The following CSMD1 variants were observed in gnomAD, a reference collection of about 807,000 sequenced individuals.
CSMD1 encodes the protein CUB and sushi domain-containing protein 1.
Under a neutral mutation model 417.5 loss-of-function variants are expected in CSMD1, and 213 were observed. That is an observed-to-expected ratio of 0.51 (90% CI 0.46 to 0.57). The LOEUF is 0.57. Among genes scored for constraint, CSMD1 ranks in the 20% least tolerant of loss-of-function variants. The pLI is 0.00. For missense variants in CSMD1, 6,923 were observed against 4,529.7 expected (o/e 1.53, Z -15.17); for synonymous variants, 2,862 against 1,736.8 (o/e 1.65, Z -16.11).
At chr8:3,671,029 T>TAC (rs1798996744) in intron 7 of CSMD1, among the ~76,000 whole-genome samples, 1 of 104,682 alleles carries the variant, frequency 9.6e-6, no homozygotes, top group Admixed American at 1.1e-4. Context: ...ATGGGATATA[T>TAC]GCATATGGGA....
intron 5 of CSMD1, among the ~76,000 whole-genome samples, chr8:3,798,362 A>G (rs78748908): frequency 0.015 from 2,293 of 152,126 alleles, 60 homozygotes; most frequent in African/African-American, 0.051. Flanking sequence ...ACTCTCTTAC[A>G]TTAGCCTCTA....
At chr8:3,414,146 A>G (rs759828266) in intron 12 of CSMD1, among the ~76,000 whole-genome samples, 1 of 91,754 alleles carries the variant, frequency 1.1e-5, no homozygotes, top group South Asian at 3.5e-4. Flanking sequence ...TAAAGAAAAG[A>G]AAAAAAAAAA....
At chr8:4,180,177 C>G (rs1463590083) in intron 3 of CSMD1, among the ~76,000 whole-genome samples, 1 of 151,952 alleles carries the variant, frequency 6.6e-6, no homozygotes, top group Admixed American at 6.6e-5. Context: ...GGAACCAACC[C>G]AAATGTCCAA....
At chr8:3,961,789 T>TG (rs1812344379) in intron 5 of CSMD1, among the ~76,000 whole-genome samples, 3 of 152,312 alleles carry the variant, frequency 2.0e-5, no homozygotes, top group Admixed American at 2.0e-4. Flanking sequence ...AATGGTGCAC[T>TG]GGGTTTTTAA....
At chr8:4,152,198 G>A (rs982506889) in intron 3 of CSMD1, among the ~76,000 whole-genome samples, 2 of 152,046 alleles carry the variant, frequency 1.3e-5, no homozygotes, top group South Asian at 2.1e-4. Flanking sequence ...TACATCTTTG[G>A]AGAAGAAGGA....
rs530061255 is a variant in CSMD1 at position 3,101,799 on chromosome 8, CTTTTTTTT to C, written c.6949+4721_6949+4728del. On this transcript the variant is annotated intron_variant, in intron 46 of 69. Coordinates refer to ENST00000635120, the MANE Select transcript of CSMD1 (RefSeq NM_033225.6). ...GTGATAATTTTGTTTCTTTCTTTTT[CTTTTTTTT>C]TTTTTTTTTTTTTAGACAGAGTCTT... is the stretch of plus-strand genomic sequence containing the variant. Among the ~76,000 whole-genome samples the C allele has an allele frequency of 1.4e-3, 144 of 106,362 alleles. 1 individual carries two copies. The highest frequency in any genetic ancestry group is 3.2e-3 in the Admixed American group (29 of 8,980). The allele number at this position is 106,362 out of a possible 152,430, so 69.8% of individuals were successfully genotyped here.
intron 5 of CSMD1, among the ~76,000 whole-genome samples, chr8:3,900,417 G>C (rs908216562): frequency 6.6e-6 from 1 of 151,964 alleles, no homozygotes; most frequent in Non-Finnish European, 1.5e-5. Flanking sequence ...CAGGGCAGCT[G>C]GGTGACAGTG....
rs1804005821 is a variant in CSMD1 at position 4,144,707 on chromosome 8, T to C, written c.416-112608A>G. On this transcript the variant is annotated intron_variant, in intron 3 of 69. Coordinates refer to ENST00000635120, the MANE Select transcript of CSMD1 (RefSeq NM_033225.6). ...GCGGTTTTACATACTCGGCAAAGAG[T>C]GGAGATTTCCTCATTGACCTCTTCC... Among the ~76,000 whole-genome samples the C allele has an allele frequency of 1.3e-5, 2 of 150,828 alleles. 1 individual carries two copies. The highest frequency in any genetic ancestry group is 1.3e-4 in the Admixed American group (2 of 15,190).
chr8:4,035,053 A>G (rs1279196668), intron 3 of CSMD1, among the ~76,000 whole-genome samples: 1 of 152,194 alleles, frequency 6.6e-6, no homozygotes, highest in Non-Finnish European at 1.5e-5. Flanking sequence ...AATGCAAATG[A>G]TTATCGTGCA....
intron 3 of CSMD1, among the ~76,000 whole-genome samples, chr8:4,347,482 T>C (rs1035346968): frequency 6.6e-6 from 1 of 152,136 alleles, no homozygotes; most frequent in Non-Finnish European, 1.5e-5. Flanking sequence ...AGAAGGAAAT[T>C]GCAAGACTAA....
At chr8:3,890,454 G>T (rs563821622) in intron 5 of CSMD1, among the ~76,000 whole-genome samples, 2 of 151,948 alleles carry the variant, frequency 1.3e-5, no homozygotes. Context: ...GGAGACTGAG[G>T]ATTCCAGCTG....
intron 4 of CSMD1, among the ~76,000 whole-genome samples, chr8:4,023,380 C>T (rs192187386): frequency 1.5e-4 from 23 of 152,168 alleles, no homozygotes; most frequent in African/African-American, 5.5e-4. Context: ...ATGCCCTGGT[C>T]CAAATGTGAA....
chr8:3,037,841 T>C (rs1810795705), intron 50 of CSMD1, among the ~76,000 whole-genome samples: 1 of 152,114 alleles, frequency 6.6e-6, no homozygotes, highest in Non-Finnish European at 1.5e-5. Context: ...GACAAAAAGG[T>C]CTCAAGGCAT....
chr8:3,819,064 G>A (rs1488992590), intron 5 of CSMD1, among the ~76,000 whole-genome samples: 1 of 152,160 alleles, frequency 6.6e-6, no homozygotes, highest in Non-Finnish European at 1.5e-5. Flanking sequence ...TAGGAAAATG[G>A]CACAGCTTCA....
intron 26 of CSMD1, among the ~76,000 whole-genome samples, chr8:3,260,773 C>T (rs573041271): frequency 6.6e-6 from 1 of 152,204 alleles, no homozygotes; most frequent in Non-Finnish European, 1.5e-5. Flanking sequence ...AAGCACAATC[C>T]ATAAAAGCCA....
At chr8:3,769,655 T>C (rs969603442) in intron 5 of CSMD1, among the ~76,000 whole-genome samples, 8 of 152,216 alleles carry the variant, frequency 5.3e-5, no homozygotes, top group Admixed American at 3.3e-4. Flanking sequence ...GAGAATGTTA[T>C]AGCTCTTTGT....
intron 1 of CSMD1, among the ~76,000 whole-genome samples, chr8:4,868,821 C>T (rs1235598752): frequency 6.6e-6 from 1 of 151,350 alleles, no homozygotes; most frequent in Admixed American, 6.6e-5. Flanking sequence ...TGTGCTGTAT[C>T]AGCTCCTCTA....
At chr8:4,476,765 G>C (rs1438691844) in intron 2 of CSMD1, among the ~76,000 whole-genome samples, 1 of 152,096 alleles carries the variant, frequency 6.6e-6, no homozygotes, top group Non-Finnish European at 1.5e-5. Context: ...CATATGTAAG[G>C]ATTAGATGGC....
At chr8:3,248,678 A>C (rs182112828) in intron 26 of CSMD1, among the ~76,000 whole-genome samples, 3 of 151,664 alleles carry the variant, frequency 2.0e-5, no homozygotes, top group Admixed American at 1.3e-4. Flanking sequence ...ATTTGTTTTT[A>C]TTTCTTAAGA....
Sources: gnomAD v4.1 joint callset for allele counts (sites outside exome capture counted in the v4.1 genomes callset) on GRCh38, gnomAD v4.1.1 for gene constraint, MANE v1.5 for transcripts, NCBI Gene and HGNC (gene_info 2026-07-23, HGNC 2026-07-21) for gene names.